SANBR: variants seen among roughly 807,000 people sequenced by gnomAD.
SANBR encodes the protein SANT and BTB domain regulator of class switch recombination.
Under a neutral mutation model 101.8 loss-of-function variants are expected in SANBR, and 77 were observed. The ratio of observed to expected loss-of-function variants is 0.76; its 90% confidence interval spans 0.63 to 0.91. SANBR has a LOEUF of 0.91. Among genes scored for constraint, SANBR ranks in the 40% least tolerant of loss-of-function variants. The pLI, the probability that SANBR is intolerant of heterozygous loss-of-function variation, is 0.00. For missense variants in SANBR, 875 were observed against 853.0 expected, an observed-to-expected ratio of 1.03 and a Z score of -0.32; for synonymous variants, 279 against 274.7, an observed-to-expected ratio of 1.02 and a Z score of -0.15.
intron 16 of SANBR, chr2:61,115,748 T>A: frequency 3.2e-6 from 1 of 309,974 alleles, no homozygotes. Flanking sequence ...CAAGACTCTG[T>A]CTCAAAAAAA....
At chr2:61,096,521 G>A (rs541087887) in intron 11 of SANBR, among the ~76,000 whole-genome samples, 6 of 152,214 alleles carry the variant, frequency 3.9e-5, no homozygotes, top group South Asian at 2.1e-4. Flanking sequence ...CTTCCCCATC[G>A]CAAGCAGCAC....
chr2:61,122,716 G>A lies in SANBR; in HGVS notation c.*554G>A. On this transcript the variant is annotated 3_prime_UTR_variant, in exon 22 of 22. Coordinates refer to ENST00000402291, the MANE Select transcript of SANBR (RefSeq NM_001129993.3). ...TTTCAGGGTAAGGTATTTCAGTACT[G>A]TGTTGGGCAGAAGGGTTAATTTTTT... 1.0e-6 allele frequency: 1 copy of A among 985,660 alleles called. No individual in the cohort carries two copies. Among genetic ancestry groups the A allele is most frequent in the Non-Finnish European group, 1.2e-6 (1 of 829,996 alleles). 61.1% of individuals were successfully genotyped at this position (985,660 alleles called of 1,614,324 possible). A position where few individuals can be genotyped will look rare whatever the true frequency, so the allele number is the denominator to read the frequency against.
In SANBR at chr2:61,071,532, A is replaced by G; in HGVS notation, c.151-74A>G. The G allele has an allele frequency of 3.1e-6, 3 of 978,364 alleles. No individual in the cohort carries two copies. In the East Asian group the frequency reaches 8.8e-5, roughly 29 times the overall value. The allele number at this position is 978,364 out of a possible 1,614,324, so 60.6% of individuals were successfully genotyped here. On this transcript the variant is annotated intron_variant, in intron 3 of 21. Coordinates refer to ENST00000402291, the MANE Select transcript of SANBR (RefSeq NM_001129993.3). ...ACCACTGCACTCCAGCCTGGGCGAC[A>G]ATGTGAGACTCCGTCTCAAAAAAAA... is the stretch of plus-strand genomic sequence containing the variant.
At chr2:61,137,083 C>G (rs1413176039) in intron 21 of SANBR, among the ~76,000 whole-genome samples, 1 of 151,640 alleles carries the variant, frequency 6.6e-6, no homozygotes, top group Non-Finnish European at 1.5e-5. Context: ...GAATGTGAGA[C>G]AAGCCTAGGA....
At chr2:61,099,601 A>C (rs1036390140) in intron 12 of SANBR, among the ~76,000 whole-genome samples, 2 of 152,170 alleles carry the variant, frequency 1.3e-5, no homozygotes, top group African/African-American at 4.8e-5. Context: ...TAGATATATG[A>C]GTTTGGGAGC....
intron 6 of SANBR, among the ~76,000 whole-genome samples, chr2:61,077,994 C>T (rs1295831551): frequency 6.6e-6 from 1 of 152,192 alleles, no homozygotes; most frequent in Non-Finnish European, 1.5e-5. Context: ...GAAAACTTAA[C>T]TTGCTTCCAT....
At chr2:61,082,917 A>G (rs1284371692) in intron 7 of SANBR, among the ~76,000 whole-genome samples, 1 of 152,242 alleles carries the variant, frequency 6.6e-6, no homozygotes, top group Non-Finnish European at 1.5e-5. Flanking sequence ...ATTATTTGAA[A>G]TATTCTAAAG....
In SANBR at chr2:61,108,248, C is replaced by G. The variant is rs369469353; in HGVS notation, c.1612-69C>G. On this transcript the variant is annotated intron_variant, in intron 14 of 21. Transcript: ENST00000402291. ...ACTTTTTTCAACTCTTCTACAGTAT[C>G]TATATCAAAATAAGGAGCTGCAATC... The G allele has an allele frequency of 1.7e-5, 16 of 933,044 alleles. No individual in the cohort carries two copies. In the African/African-American group the frequency reaches 2.4e-4, roughly 14 times the overall value. 57.8% of individuals were successfully genotyped at this position (933,044 alleles called of 1,614,324 possible). A position where few individuals can be genotyped will look rare whatever the true frequency, so the allele number is the denominator to read the frequency against.
chr2:61,094,091 T>G (rs1015000444), intron 11 of SANBR: 4 of 983,398 alleles, frequency 4.1e-6, no homozygotes, highest in East Asian at 1.1e-4. Flanking sequence ...TTAAACTGTT[T>G]AAGTTCCCAC....
chr2:61,113,039 A>G (rs1025358894), intron 16 of SANBR, among the ~76,000 whole-genome samples: 4 of 152,066 alleles, frequency 2.6e-5, no homozygotes, highest in African/African-American at 7.2e-5. Context: ...CTTTTTTTCC[A>G]TAGGCATAGC....
intron 21 of SANBR, 94 bp from the exon 22 acceptor site, chr2:61,122,032 C>T: frequency 6.8e-7 from 1 of 1,480,230 alleles, no homozygotes; most frequent in Non-Finnish European, 9.0e-7. Context: ...TTTATTAAAC[C>T]TTGATGTTGC....
At chr2:61,089,066 T>A in intron 10 of SANBR, 1 of 953,434 alleles carries the variant, frequency 1.0e-6, no homozygotes. Flanking sequence ...AATGCTCTCT[T>A]TTCACTAACA....
At chr2:61,088,074 T>G in intron 8 of SANBR, 85 bp from the exon 9 acceptor site, 1 of 673,632 alleles carries the variant, frequency 1.5e-6, no homozygotes, top group Non-Finnish European at 2.5e-6. Context: ...TAATCTTATT[T>G]TACAAATGCA....
rs141998225 is a variant in SANBR, at chr2:61,080,444, C to G, written c.671-1008C>G. On this transcript the variant is annotated intron_variant, in intron 6 of 21. Transcript: ENST00000402291. ...ACCATTTGTGTTTAAGAGCCTTCACCGGGCGTGGTGGCTCACGCCTGTAAT... is the reference window on the plus strand; with the variant it reads ...ACCATTTGTGTTTAAGAGCCTTCACGGGGCGTGGTGGCTCACGCCTGTAAT... Among the ~76,000 whole-genome samples, 918 of 152,162 alleles carry G rather than the reference C, an allele frequency of 6.0e-3. 9 individuals carry two copies. The highest frequency in any genetic ancestry group is 0.021 in the African/African-American group (881 of 41,540).
intron 5 of SANBR, among the ~76,000 whole-genome samples, chr2:61,074,199 A>G (rs1024248182): frequency 6.6e-6 from 1 of 152,232 alleles, no homozygotes; most frequent in Non-Finnish European, 1.5e-5. Flanking sequence ...CTTGCTTTAT[A>G]TATAATTCAT....
intron 17 of SANBR, 164 bp from the exon 18 acceptor site, chr2:61,117,193 C>T (rs1684114767): frequency 3.1e-6 from 2 of 646,426 alleles, no homozygotes; most frequent in Admixed American, 2.7e-5. Flanking sequence ...ATTAATAGTG[C>T]CTGTCTCATT....
chr2:61,116,887 TAC>T, intron 17 of SANBR, among the ~76,000 whole-genome samples: 1 of 151,798 alleles, frequency 6.6e-6, no homozygotes, highest in Non-Finnish European at 1.5e-5. Flanking sequence ...ACCCCATTTC[TAC>T]TAAAAAAAAA....
At chr2:61,128,472 T>C (rs536474181), downstream of SANBR, among the ~76,000 whole-genome samples, 11 of 151,772 alleles carry the variant, frequency 7.2e-5, no homozygotes, top group Non-Finnish European at 1.2e-4. Flanking sequence ...CTGGCCAACA[T>C]AGGGAGACCT....
chr2:61,105,071 G>A (rs577452815), intron 13 of SANBR, among the ~76,000 whole-genome samples: 4 of 151,478 alleles, frequency 2.6e-5, no homozygotes, highest in African/African-American at 9.7e-5. Context: ...GTTAGAGGCT[G>A]GAGGACACTT....
Sources: gnomAD v4.1 joint callset for allele counts (sites outside exome capture counted in the v4.1 genomes callset) on GRCh38, gnomAD v4.1.1 for gene constraint, MANE v1.5 for transcripts, NCBI Gene and HGNC (gene_info 2026-07-23, HGNC 2026-07-21) for gene names.